The following NIBAN1 variants were observed in gnomAD, a reference collection of about 807,000 sequenced individuals.
NIBAN1 encodes the protein niban apoptosis regulator 1, also known as protein Niban 1.
NIBAN1 carries 81 observed loss-of-function variants against 75.1 expected under a neutral mutation model. The ratio of observed to expected loss-of-function variants is 1.08; its 90% CI spans 0.90 to 1.30. NIBAN1 has a LOEUF of 1.30. Ranked by LOEUF, NIBAN1 falls within the 50% of genes most tolerant of loss-of-function variation. The probability of loss-of-function intolerance (pLI) is 0.00; values close to 1 mark genes in which losing one functional copy is unlikely to be tolerated. For missense variants in NIBAN1, 1,133 were observed against 1,128.1 expected (o/e 1.00, Z -0.06); for synonymous variants, 436 against 424.8 (o/e 1.03, Z -0.32).
chr1:184,859,378 C>T (rs944799660), intron 5 of NIBAN1, among the ~76,000 whole-genome samples: 2 of 152,132 alleles, frequency 1.3e-5, no homozygotes, highest in Non-Finnish European at 2.9e-5. Context: ...CACATTTCTT[C>T]CATGTGATCC....
At chr1:184,810,650 G>A (rs921391288) in intron 9 of NIBAN1, among the ~76,000 whole-genome samples, 1 of 152,166 alleles carries the variant, frequency 6.6e-6, no homozygotes, top group Non-Finnish European at 1.5e-5. Context: ...CAAATGCTGA[G>A]TTGTAACCAG....
chr1:184,924,504 TC>T (rs1364590847), intron 1 of NIBAN1, among the ~76,000 whole-genome samples: 2 of 152,206 alleles, frequency 1.3e-5, no homozygotes, highest in African/African-American at 2.4e-5. Flanking sequence ...CCTGTAGTTT[TC>T]TTTTTTTGAT....
rs1300608502 is a variant in NIBAN1, at chr1:184,794,964, C to A, written c.*13G>T. ...GCTTTTTTCAGAGAAAGACTTCAGC[C>A]AAATTGTCCCTTTCACTCCTCTGAG... On this transcript the variant is annotated 3_prime_UTR_variant, in exon 14 of 14. Coordinates refer to ENST00000367511, the MANE Select transcript of NIBAN1 (RefSeq NM_052966.4). The A allele has an allele frequency of 3.7e-5, 60 of 1,606,002 alleles. No homozygotes were observed. Among genetic ancestry groups the A allele is most frequent in the Non-Finnish European group, 5.1e-5 (60 of 1,180,010 alleles).
At chr1:184,931,414 A>G (rs1657819610) in intron 1 of NIBAN1, among the ~76,000 whole-genome samples, 1 of 152,220 alleles carries the variant, frequency 6.6e-6, no homozygotes, top group African/African-American at 2.4e-5. Flanking sequence ...GGTCATACAC[A>G]TTAATATTAT....
chr1:184,822,674 G>A (rs778624792), intron 8 of NIBAN1, among the ~76,000 whole-genome samples: 1 of 152,172 alleles, frequency 6.6e-6, no homozygotes, highest in African/African-American at 2.4e-5. Flanking sequence ...TGGGTTTGTA[G>A]GGTGACTGGG....
intron 5 of NIBAN1, among the ~76,000 whole-genome samples, chr1:184,859,891 C>T (rs966007160): frequency 5.3e-5 from 8 of 152,090 alleles, no homozygotes; most frequent in African/African-American, 1.7e-4. Context: ...ATCAGGAAAG[C>T]GGACAGCTGA....
At chr1:184,807,329 A>G (rs909622830) in intron 10 of NIBAN1, among the ~76,000 whole-genome samples, 10 of 152,162 alleles carry the variant, frequency 6.6e-5, no homozygotes, top group Admixed American at 5.2e-4. Context: ...TGAAAAAAAA[A>G]AAAAAGAAAC....
chr1:184,823,695 T>C lies in NIBAN1; in HGVS notation c.765A>G (p.Thr255=). 6.2e-7 allele frequency: 1 copy of C among 1,614,194 alleles called. No individual in the cohort carries two copies. Among genetic ancestry groups the C allele is most frequent in the Middle Eastern group, 1.6e-4 (1 of 6,062 alleles). ...VMEELLPTLQ[T]DLLPKMKGKK... is the part of the protein sequence containing the mutation. ...TCCCCTTCATCTTAGGCAGCAGGTC[T>C]GTCTGAAGAGTGGGCAGGAGCTCCT... Residue 255 remains threonine (T), a synonymous_variant, in exon 7 of 14, where the codon ACA becomes ACG. Transcript: ENST00000367511.
At chr1:184,911,841 C>G (rs1461682220) in intron 1 of NIBAN1, among the ~76,000 whole-genome samples, 1 of 152,034 alleles carries the variant, frequency 6.6e-6, no homozygotes, top group East Asian at 1.9e-4. Context: ...ACAGTTCAGA[C>G]AGAATAATAA....
At chr1:184,940,935 C>G (rs374408343) in intron 1 of NIBAN1, among the ~76,000 whole-genome samples, 2 of 152,324 alleles carry the variant, frequency 1.3e-5, no homozygotes, top group Middle Eastern at 3.4e-3. Flanking sequence ...GCGGGTTAAG[C>G]GGGCAATGTG....
chr1:184,881,286 G>A (rs1656371260), intron 5 of NIBAN1, among the ~76,000 whole-genome samples: 1 of 152,128 alleles, frequency 6.6e-6, no homozygotes, highest in Admixed American at 6.6e-5. Context: ...CCCTTCATCA[G>A]GGTTAAATAG....
rs760568034 is a variant in NIBAN1 at position 184,806,027 on chromosome 1, C to T, written c.1365G>A (p.Glu455=). 1 of 1,614,138 alleles carries T rather than the reference C, an allele frequency of 6.2e-7. No individual in the cohort carries two copies. Among genetic ancestry groups the T allele is most frequent in the South Asian group, 1.1e-5 (1 of 91,084 alleles). ...CTTGGAGATGTGGGGAAAGCAACTG[C>T]TCAAAAGTGAACACTGCATTCTCCA... ...ELMENAVFTF[E]QLLSPHLQGE... The change falls in exon 11 of 14, where the codon GAG becomes GAA. Residue 455 remains glutamate, a synonymous_variant. Coordinates refer to ENST00000367511, the MANE Select transcript of NIBAN1 (RefSeq NM_052966.4).
intron 9 of NIBAN1, among the ~76,000 whole-genome samples, chr1:184,814,274 G>GA (rs1319735331): frequency 4.0e-5 from 6 of 151,314 alleles, no homozygotes; most frequent in Non-Finnish European, 7.4e-5. Context: ...TCTGTTCTGA[G>GA]AAAAAAAATT....
At chr1:184,904,045 C>A (rs1657024265) in intron 1 of NIBAN1, among the ~76,000 whole-genome samples, 1 of 152,010 alleles carries the variant, frequency 6.6e-6, no homozygotes. Flanking sequence ...TACAGGCATG[C>A]ACCACCACAC....
At chr1:184,803,296 T>C (rs949202145) in intron 12 of NIBAN1, among the ~76,000 whole-genome samples, 1 of 152,240 alleles carries the variant, frequency 6.6e-6, no homozygotes, top group Admixed American at 6.5e-5. Flanking sequence ...CTTTGAGATT[T>C]TGTCTAGTCC....
chr1:184,883,120 AC>A (rs1436182109), intron 5 of NIBAN1, among the ~76,000 whole-genome samples: 3 of 152,112 alleles, frequency 2.0e-5, no homozygotes, highest in Non-Finnish European at 4.4e-5. Flanking sequence ...TCTCAGGGAA[AC>A]CTCTGAATTT....
chr1:184,938,421 C>T (rs61823956), intron 1 of NIBAN1, among the ~76,000 whole-genome samples: 2 of 152,058 alleles, frequency 1.3e-5, no homozygotes, highest in African/African-American at 2.4e-5. Flanking sequence ...ACTAGATAAT[C>T]AGTCTTTCTC....
chr1:184,804,466 A>G (rs1481806515), intron 11 of NIBAN1, among the ~76,000 whole-genome samples: 4 of 152,178 alleles, frequency 2.6e-5, no homozygotes, highest in African/African-American at 9.7e-5. Flanking sequence ...CTAACATGAG[A>G]AAGCATGTTC....
chr1:184,967,157 G>C (rs950734455), intron 1 of NIBAN1, among the ~76,000 whole-genome samples: 1 of 151,912 alleles, frequency 6.6e-6, no homozygotes, highest in Non-Finnish European at 1.5e-5. Context: ...GAGAAAATCT[G>C]TATTGCATTT....
Sources: allele counts gnomAD v4.1 joint callset (sites outside exome capture counted in the v4.1 genomes callset), GRCh38; gene constraint gnomAD v4.1.1; transcripts MANE v1.5; gene names NCBI Gene and HGNC (gene_info 2026-07-23, HGNC 2026-07-21).